Variants in ZNF697 observed in about 807,000 individuals in gnomAD.
The protein encoded by ZNF697 is zinc finger protein 697.
Under a neutral mutation model 32.4 loss-of-function variants are expected in ZNF697, and 23 were observed. The ratio of observed to expected loss-of-function variants is 0.71; its 90% CI spans 0.51 to 1.01. The LOEUF (loss-of-function observed/expected upper bound fraction) is 1.01, where lower values mean the gene tolerates loss of function less well. Ranked by LOEUF, ZNF697 falls within the 50% of genes least tolerant of loss-of-function variation. The pLI, the probability that ZNF697 is intolerant of heterozygous loss-of-function variation, is 0.00. For synonymous variants in ZNF697, 418 were observed against 337.2 expected (o/e 1.24, Z -2.62); for missense variants, 930 against 794.0 (o/e 1.17, Z -2.06).
chr1:119,619,577 CATTAA>C lies in ZNF697; in HGVS notation c.*3123_*3127del, dbSNP rs587640199. The C allele has an allele frequency of 9.2e-5, 14 of 152,730 alleles. No homozygotes were observed. The highest frequency in any genetic ancestry group is 4.1e-4 in the South Asian group (2 of 4,824). The allele number at this position is 152,730 out of a possible 1,614,324, so 9.5% of individuals were successfully genotyped here. ...ACACGAAACCTGTTACTTTTAGGAT[CATTAA>C]ATTATTCACTATTTTAACAAACAGC... is the stretch of plus-strand genomic sequence containing the variant. On this transcript the variant is annotated 3_prime_UTR_variant, in exon 3 of 3. Transcript: ENST00000421812.
chr1:119,626,134 A>G lies in ZNF697; in HGVS notation c.-34T>C. 1 of 1,611,872 alleles carries G rather than the reference A, an allele frequency of 6.2e-7. No individual in the cohort carries two copies. Among genetic ancestry groups the G allele is most frequent in the Non-Finnish European group, 8.5e-7 (1 of 1,178,650 alleles). ...AAAAGAGCAAGGGAGGTGACCAGGA[A>G]TCCCTGCTCCAGAAAAACACAAAGA... On this transcript the variant is annotated 5_prime_UTR_variant, in exon 2 of 3. Coordinates refer to ENST00000421812, the MANE Select transcript of ZNF697 (RefSeq NM_001080470.2).
At chr1:119,626,892 C>A (rs374166611) in intron 1 of ZNF697, among the ~76,000 whole-genome samples, 7 of 152,168 alleles carry the variant, frequency 4.6e-5, no homozygotes, top group Middle Eastern at 3.2e-3. Context: ...ACATATTTTA[C>A]AGTATCCGAA....
intron 1 of ZNF697, among the ~76,000 whole-genome samples, chr1:119,636,336 AG>A: frequency 6.6e-6 from 1 of 152,342 alleles, no homozygotes; most frequent in East Asian, 1.9e-4. Context: ...GGACTCTGAA[AG>A]GATCCGTGGA....
chr1:119,630,828 C>T (rs1004261889), intron 1 of ZNF697, among the ~76,000 whole-genome samples: 4 of 152,044 alleles, frequency 2.6e-5, no homozygotes, highest in Non-Finnish European at 1.5e-5. Flanking sequence ...ACCCCACCTT[C>T]CCCCGCACTC....
At chr1:119,624,588 T>A (rs1648516555) in intron 2 of ZNF697, among the ~76,000 whole-genome samples, 1 of 152,150 alleles carries the variant, frequency 6.6e-6, no homozygotes, top group South Asian at 2.1e-4. Flanking sequence ...CTGGACTAAT[T>A]TTTTCTTTTT....
rs1648435381 is a variant in ZNF697 at position 119,623,481 on chromosome 1, G to A, written c.862C>T (p.Pro288Ser). The change falls in exon 3 of 3, where the codon CCC (proline) becomes TCC (serine). Residue 288 changes from proline (P) to serine (S), a missense_variant. Pro to Ser is a moderately conservative substitution (Grantham distance 74, BLOSUM62 -1). Coordinates refer to ENST00000421812, the MANE Select transcript of ZNF697 (RefSeq NM_001080470.2). ...TTGCCGCAGTCGGCGCACAGGTTGG[G>A]CCGCTCGCCCGTGTGCAGGCGCAGG... ...NHLRLHTGERPNLCADCGKSF... is the reference protein window; with the variant it reads ...NHLRLHTGERSNLCADCGKSF... The A allele has an allele frequency of 1.9e-6, 3 of 1,568,850 alleles. No individual in the cohort carries two copies. The highest frequency in any genetic ancestry group is 2.6e-6 in the Non-Finnish European group (3 of 1,158,962).
rs587716581 is a variant in ZNF697, at chr1:119,621,880, T to C, written c.*825A>G. On this transcript the variant is annotated 3_prime_UTR_variant, in exon 3 of 3. Coordinates refer to ENST00000421812, the MANE Select transcript of ZNF697 (RefSeq NM_001080470.2). ...TTTCCCTGCACTTAAAACACCACAG[T>C]TGAGACCTGAAAGAAATACTGGGTG... The C allele has an allele frequency of 1.0e-3, 153 of 151,808 alleles. No homozygotes were observed. Among genetic ancestry groups the C allele is most frequent in the African/African-American group, 3.5e-3 (146 of 41,306 alleles). The allele number at this position is 151,808 out of a possible 1,614,324, so 9.4% of individuals were successfully genotyped here.
chr1:119,642,040 C>T (rs1179200339), intron 1 of ZNF697, among the ~76,000 whole-genome samples: 1 of 152,172 alleles, frequency 6.6e-6, no homozygotes, highest in African/African-American at 2.4e-5. Flanking sequence ...AACACGACAA[C>T]ATCAAATTAG....
At position 119,623,173 on chromosome 1, in the gene ZNF697, G is replaced by T; in HGVS notation, c.1170C>A (p.Phe390Leu). The T allele has an allele frequency of 6.4e-7, 1 of 1,567,324 alleles. No individual in the cohort carries two copies. Among genetic ancestry groups the T allele is most frequent in the East Asian group, 2.3e-5 (1 of 42,920 alleles). The change falls in exon 3 of 3, where the codon TTC becomes TTA. Residue 390 changes from phenylalanine to leucine, a missense_variant. Phe to Leu is a conservative substitution (Grantham distance 22). Transcript: ENST00000421812. ...PHGCGECGKR[F>L]SWRSDLVKHQ... Reference sequence around the variant, plus strand: ...GCTTCACCAAGTCCGAGCGCCAGCTGAAGCGCTTGCCGCACTCGCCACAGC... The same window carrying T: ...GCTTCACCAAGTCCGAGCGCCAGCTTAAGCGCTTGCCGCACTCGCCACAGC...
At chr1:119,628,067 G>A (rs1000017137) in intron 1 of ZNF697, among the ~76,000 whole-genome samples, 1 of 129,824 alleles carries the variant, frequency 7.7e-6, no homozygotes, top group Non-Finnish European at 1.6e-5. Context: ...TTGGCGGGGC[G>A]GGGGGCGGGG....
chr1:119,631,961 G>A (rs1197727826), intron 1 of ZNF697, among the ~76,000 whole-genome samples: 1 of 152,200 alleles, frequency 6.6e-6, no homozygotes, highest in African/African-American at 2.4e-5. Flanking sequence ...TGGGTAGAGC[G>A]CTGGAAAAAC....
rs1648339693 is a variant in ZNF697, at chr1:119,622,056, G to T, written c.*649C>A. 6.6e-6 allele frequency: 1 copy of T among 152,646 alleles called. No individual in the cohort carries two copies. 9.5% of individuals were successfully genotyped at this position (152,646 alleles called of 1,614,324 possible). On this transcript the variant is annotated 3_prime_UTR_variant, in exon 3 of 3. Coordinates refer to ENST00000421812, the MANE Select transcript of ZNF697 (RefSeq NM_001080470.2). Reference sequence around the variant, plus strand: ...CCACATCAGAGAACCAGTTATAAATGAATTTCTAAACCCCAGACATTGCCC... The same window carrying T: ...CCACATCAGAGAACCAGTTATAAATTAATTTCTAAACCCCAGACATTGCCC...
chr1:119,623,991 C>T lies in ZNF697; in HGVS notation c.352G>A (p.Glu118Lys), dbSNP rs1648485463. 1.2e-6 allele frequency: 2 copies of T among 1,612,150 alleles called. No individual in the cohort carries two copies. The highest frequency in any genetic ancestry group is 1.3e-5 in the African/African-American group (1 of 74,884). ...TCCCCAGCACTCTCGTCGTCGTCCT[C>T]CCGGAGGCTCCGGGATATGCTGTCA... ...ESDSISRSLR[E>K]DDDESAGENR... The change falls in exon 3 of 3, where the codon GAG (glutamate) becomes AAG (lysine). Residue 118 changes from glutamate (E) to lysine (K), a missense_variant. Coordinates refer to ENST00000421812, the MANE Select transcript of ZNF697 (RefSeq NM_001080470.2).
At position 119,623,275 on chromosome 1, in the gene ZNF697, C is replaced by G. The variant is rs758923297; in HGVS notation, c.1068G>C (p.Gly356=). 6.7e-7 allele frequency: 1 copy of G among 1,498,640 alleles called. No individual in the cohort carries two copies. Among genetic ancestry groups the G allele is most frequent in the Non-Finnish European group, 8.9e-7 (1 of 1,126,750 alleles). 92.8% of individuals were successfully genotyped at this position (1,498,640 alleles called of 1,614,324 possible). Residue 356 remains glycine (G), a synonymous_variant, in exon 3 of 3, where the codon GGG becomes GGC. Transcript: ENST00000421812. Reference sequence around the variant, plus strand: ...GGCGCACGAAGCCCTTGCCGCACTCCCCGCAGGCGAAGGGCCGCAGCGCCG... The same window carrying G: ...GGCGCACGAAGCCCTTGCCGCACTCGCCGCAGGCGAAGGGCCGCAGCGCCG... ...GAAALRPFAC[G]ECGKGFVRRS... is the part of the protein sequence containing the mutation.
chr1:119,636,271 C>A (rs188991572), intron 1 of ZNF697, among the ~76,000 whole-genome samples: 3 of 152,260 alleles, frequency 2.0e-5, no homozygotes, highest in Admixed American at 6.5e-5. Flanking sequence ...TGCAACCATA[C>A]GGAAATGTGT....
intron 1 of ZNF697, among the ~76,000 whole-genome samples, chr1:119,635,790 G>GAAC (rs2307945): frequency 0.75 from 113,413 of 151,752 alleles, 42,889 homozygotes; most frequent in East Asian, 0.92. Flanking sequence ...GACAGGAACA[G>GAAC]TACTTTACTA....
chr1:119,636,897 A>G (rs907290632), intron 1 of ZNF697, among the ~76,000 whole-genome samples: 1 of 152,192 alleles, frequency 6.6e-6, no homozygotes, highest in African/African-American at 2.4e-5. Context: ...TGACAGGTGC[A>G]CTAAGAGGGA....
At position 119,643,865 on chromosome 1, in the gene ZNF697, C is replaced by T. The variant is rs587712046; in HGVS notation, c.-38+3826G>A. ...GCATATTTCCAGAAGGTACTTTCCT[C>T]TTTTGGAAGTTACATGAAAAGGGTG... On this transcript the variant is annotated intron_variant, in intron 1 of 2. Coordinates refer to ENST00000421812, the MANE Select transcript of ZNF697 (RefSeq NM_001080470.2). 9.5e-4 allele frequency among the ~76,000 whole-genome samples: 145 copies of T among 152,348 alleles called. 1 individual carries two copies. The highest frequency in any genetic ancestry group is 1.8e-3 in the Non-Finnish European group (123 of 68,040).
At chr1:119,634,400 A>C (rs1431932455) in intron 1 of ZNF697, among the ~76,000 whole-genome samples, 2 of 152,210 alleles carry the variant, frequency 1.3e-5, no homozygotes, top group Non-Finnish European at 2.9e-5. Context: ...GCAGTGGGTA[A>C]GTGACACCTC....
Sources: allele counts gnomAD v4.1 joint callset (sites outside exome capture counted in the v4.1 genomes callset), GRCh38; gene constraint gnomAD v4.1.1; transcripts MANE v1.5; gene names NCBI Gene and HGNC (gene_info 2026-07-23, HGNC 2026-07-21).